FAM53A: variants seen among roughly 807,000 people sequenced by gnomAD.
FAM53A encodes the protein protein FAM53A.
A neutral mutation model predicts 26.6 loss-of-function variants in FAM53A; 28 were observed. The observed-to-expected ratio is 1.05, with a 90% CI of 0.78 to 1.45. The LOEUF is 1.45. Among genes scored for constraint, FAM53A ranks in the 40% most tolerant of loss-of-function variants. The pLI is 0.00. For synonymous variants in FAM53A, 290 were observed against 253.1 expected, an observed-to-expected ratio of 1.15 and a Z score of -1.38; for missense variants, 650 against 575.8, an observed-to-expected ratio of 1.13 and a Z score of -1.32.
intron 2 of FAM53A, among the ~76,000 whole-genome samples, chr4:1,663,902 G>C (rs913972764): frequency 3.3e-5 from 5 of 151,306 alleles, no homozygotes; most frequent in Admixed American, 6.6e-5. Flanking sequence ...TGTGCAACTA[G>C]AGGAAACCAT....
intron 1 of FAM53A, among the ~76,000 whole-genome samples, chr4:1,678,448 A>G (rs990310787): frequency 2.6e-5 from 4 of 152,234 alleles, no homozygotes; most frequent in African/African-American, 9.6e-5. Flanking sequence ...CTGATCTTTG[A>G]CCAAGGAGCA....
chr4:1,610,061 C>G, the FAM53A span, among the ~76,000 whole-genome samples: 1 of 151,978 alleles, frequency 6.6e-6, no homozygotes, highest in African/African-American at 2.4e-5. Context: ...GGCTTTGTGG[C>G]GGCCCCCGAG....
At chr4:1,648,482 C>A (rs1156526560) in intron 4 of FAM53A, among the ~76,000 whole-genome samples, 3 of 152,260 alleles carry the variant, frequency 2.0e-5, no homozygotes, top group African/African-American at 7.2e-5. Context: ...CTGTCCTCTG[C>A]AGCCGCGGTC....
downstream of FAM53A, among the ~76,000 whole-genome samples, chr4:1,637,518 C>T (rs1169468069): frequency 5.3e-5 from 8 of 152,104 alleles, no homozygotes; most frequent in Non-Finnish European, 1.2e-4. Flanking sequence ...CCTCTCTCAT[C>T]CCCATATCCC....
At chr4:1,649,146 AGGGAAG>A (rs1282384786) in intron 4 of FAM53A, among the ~76,000 whole-genome samples, 86 of 115,444 alleles carry the variant, frequency 7.4e-4, no homozygotes, top group South Asian at 1.4e-3. Flanking sequence ...GGAAGGGGAA[AGGGAAG>A]GGGAAAGGGA....
intron 1 of FAM53A, among the ~76,000 whole-genome samples, chr4:1,618,793 C>T (rs1363135085): frequency 6.6e-6 from 1 of 152,152 alleles, no homozygotes; most frequent in African/African-American, 2.4e-5. Flanking sequence ...ACCATCCCAG[C>T]GGGGGAATGC....
the FAM53A span, among the ~76,000 whole-genome samples, chr4:1,594,982 G>A: frequency 1.3e-5 from 2 of 152,230 alleles, no homozygotes; most frequent in Admixed American, 1.3e-4. Flanking sequence ...AGGCAAAGCC[G>A]TGCACAGGCC....
At chr4:1,637,204 G>A (rs193070790), downstream of FAM53A, among the ~76,000 whole-genome samples, 23 of 152,220 alleles carry the variant, frequency 1.5e-4, no homozygotes, top group Admixed American at 3.9e-4. Context: ...GGGTGGGGGC[G>A]GGGATGGCCA....
chr4:1,655,872 C>A, intron 3 of FAM53A, 149 bp from the exon 4 acceptor site: 1 of 975,714 alleles, frequency 1.0e-6, no homozygotes, highest in Non-Finnish European at 1.4e-6. Context: ...ATGTCCGTGG[C>A]GCACAGTGGA....
the FAM53A span, among the ~76,000 whole-genome samples, chr4:1,610,558 G>A: frequency 6.6e-6 from 1 of 152,190 alleles, no homozygotes; most frequent in Admixed American, 6.5e-5. Flanking sequence ...AGGGCCTGGA[G>A]GACAACAGGG....
At chr4:1,587,563 T>C in the FAM53A span, among the ~76,000 whole-genome samples, 3 of 152,076 alleles carry the variant, frequency 2.0e-5, no homozygotes, top group Non-Finnish European at 4.4e-5. Context: ...TCCCAGCTAC[T>C]CAGGAGGCTG....
At chr4:1,637,781 ACCAG>A, downstream of FAM53A, among the ~76,000 whole-genome samples, 1 of 152,230 alleles carries the variant, frequency 6.6e-6, no homozygotes, top group Admixed American at 6.5e-5. Flanking sequence ...GTCCCAGGGT[ACCAG>A]GCACAACCCC....
Position 1,641,547 on chromosome 4 carries a change from T to C in FAM53A, c.943A>G (p.Thr315Ala), listed in dbSNP as rs553602617. The change falls in exon 5 of 5, where the codon ACC becomes GCC. Residue 315 changes from threonine to alanine, a missense_variant. Physicochemically the swap from Thr to Ala is moderately conservative, Grantham distance 58. Coordinates refer to ENST00000308132, the MANE Select transcript of FAM53A (RefSeq NM_001174070.3). Reference sequence around the variant, plus strand: ...GAGGACAGAACCGTCTTCACTGGGGTGTCATCCTCATCGTCATCTTCGTAA... The same window carrying C: ...GAGGACAGAACCGTCTTCACTGGGGCGTCATCCTCATCGTCATCTTCGTAA... ...LNYEDDDEDD[T>A]PVKTVLSSPC... 27 of 1,614,116 alleles carry C rather than the reference T, an allele frequency of 1.7e-5. No individual in the cohort carries two copies. The African/African-American group carries it at 3.3e-4, about 20-fold the overall frequency.
chr4:1,592,073 C>G, the FAM53A span, among the ~76,000 whole-genome samples: 1 of 152,090 alleles, frequency 6.6e-6, no homozygotes, highest in South Asian at 2.1e-4. Context: ...TAAAGAGAGA[C>G]GCTGCTAAGA....
chr4:1,677,586 T>C (rs905190248), intron 1 of FAM53A, among the ~76,000 whole-genome samples: 1 of 152,212 alleles, frequency 6.6e-6, no homozygotes, highest in African/African-American at 2.4e-5. Context: ...TCTTCTCTGC[T>C]TTTCCTGGCT....
chr4:1,591,517 T>TG, the FAM53A span, among the ~76,000 whole-genome samples: 1 of 152,094 alleles, frequency 6.6e-6, no homozygotes, highest in East Asian at 1.9e-4. Context: ...CAGGATGGGG[T>TG]GGCAGTCAGT....
At position 1,668,762 on chromosome 4, in the gene FAM53A, C is replaced by T. The variant is rs766569303; in HGVS notation, c.-21G>A. 1.6e-5 allele frequency: 26 copies of T among 1,613,132 alleles called. No homozygotes were observed. Among genetic ancestry groups the T allele is most frequent in the Middle Eastern group, 1.6e-4 (1 of 6,080 alleles). On this transcript the variant is annotated 5_prime_UTR_variant, in exon 2 of 5. Transcript: ENST00000308132. Reference sequence around the variant, plus strand: ...ACCATGGTCGGGGCCCCGTGTCCTCCGTCCACACCAACAGGCACTGGAGTC... The same window carrying T: ...ACCATGGTCGGGGCCCCGTGTCCTCTGTCCACACCAACAGGCACTGGAGTC...
At chr4:1,667,736 G>A (rs1714338016) in intron 2 of FAM53A, among the ~76,000 whole-genome samples, 1 of 152,110 alleles carries the variant, frequency 6.6e-6, no homozygotes, top group Admixed American at 6.6e-5. Flanking sequence ...AATGCAACGT[G>A]CCCACGTCTC....
At chr4:1,611,263 G>A in the FAM53A span, among the ~76,000 whole-genome samples, 1 of 152,178 alleles carries the variant, frequency 6.6e-6, no homozygotes, top group Non-Finnish European at 1.5e-5. Flanking sequence ...CCAGGATATG[G>A]GGGTGTGGGG....
Sources: allele counts gnomAD v4.1 joint callset (sites outside exome capture counted in the v4.1 genomes callset), GRCh38; gene constraint gnomAD v4.1.1; transcripts MANE v1.5; gene names NCBI Gene and HGNC (gene_info 2026-07-23, HGNC 2026-07-21).